Variants in HMG20A observed in about 807,000 individuals in gnomAD.
The protein encoded by HMG20A is high mobility group 20A, also known as high mobility group protein 20A.
HMG20A carries 17 observed loss-of-function variants against 43.9 expected under a neutral mutation model. That is an observed-to-expected ratio of 0.39 (90% confidence interval 0.27 to 0.58). The LOEUF (loss-of-function observed/expected upper bound fraction) is 0.58, where lower values mean the gene tolerates loss of function less well. Ranked by LOEUF, HMG20A falls within the 20% of genes least tolerant of loss-of-function variation. HMG20A has a pLI of 0.59. For missense variants in HMG20A, 341 were observed against 438.2 expected (o/e 0.78, Z 1.98); for synonymous variants, 132 against 147.5 (o/e 0.89, Z 0.76).
At chr15:77,514,522 G>T in the HMG20A span, among the ~76,000 whole-genome samples, 2 of 152,184 alleles carry the variant, frequency 1.3e-5, no homozygotes, top group African/African-American at 4.8e-5. Context: ...CTCTATAAAA[G>T]TTACACCTCC....
chr15:77,508,205 C>G, the HMG20A span, among the ~76,000 whole-genome samples: 2 of 152,254 alleles, frequency 1.3e-5, no homozygotes, highest in East Asian at 3.9e-4. Context: ...AACCGTCCAG[C>G]TAAGTCAGGT....
At chr15:77,514,036 G>A in the HMG20A span, among the ~76,000 whole-genome samples, 4 of 152,016 alleles carry the variant, frequency 2.6e-5, no homozygotes, top group South Asian at 4.2e-4. Context: ...TTTTCCTACT[G>A]TCTACATAAT....
At chr15:77,470,169 C>G (rs912107357) in intron 4 of HMG20A, among the ~76,000 whole-genome samples, 1 of 152,154 alleles carries the variant, frequency 6.6e-6, no homozygotes, top group Non-Finnish European at 1.5e-5. Flanking sequence ...AAGTGTTTAA[C>G]ATAATTTCTG....
rs2142369999 is a variant in HMG20A at position 77,484,308 on chromosome 15, T to C, written c.*1345T>C. 1 of 152,454 alleles carries C rather than the reference T, an allele frequency of 6.6e-6. No homozygotes were observed. Among genetic ancestry groups the C allele is most frequent in the South Asian group, 2.1e-4 (1 of 4,810 alleles). The allele number at this position is 152,454 out of a possible 1,614,324, so 9.4% of individuals were successfully genotyped here. ...AGAGGTTCTGATTCTTACCTCAGGGTTTTTTGGTTGTTCATTGTTTTTGTT... is the reference window on the plus strand; with the variant it reads ...AGAGGTTCTGATTCTTACCTCAGGGCTTTTTGGTTGTTCATTGTTTTTGTT... On this transcript the variant is annotated 3_prime_UTR_variant, in exon 10 of 10. Coordinates refer to ENST00000336216, the MANE Select transcript of HMG20A (RefSeq NM_001304504.2).
chr15:77,449,266 A>T (rs751106826), intron 1 of HMG20A, among the ~76,000 whole-genome samples: 1 of 151,890 alleles, frequency 6.6e-6, no homozygotes, highest in Non-Finnish European at 1.5e-5. Flanking sequence ...CTAAGTACTT[A>T]ATTACTCCTA....
At chr15:77,468,944 CTTTTA>C (rs1486406110) in intron 4 of HMG20A, among the ~76,000 whole-genome samples, 1 of 151,874 alleles carries the variant, frequency 6.6e-6, no homozygotes, top group Non-Finnish European at 1.5e-5. Context: ...CTTTCTTTTT[CTTTTA>C]TAACATTGAT....
intron 1 of HMG20A, 113 bp from the exon 2 acceptor site, chr15:77,458,291 T>A (rs2072674605): frequency 1.5e-6 from 1 of 661,964 alleles, no homozygotes; most frequent in Admixed American, 2.7e-5. Context: ...TTAGGTCAGT[T>A]TTTATTCTGT....
chr15:77,425,578 G>A (rs1019009797), intron 1 of HMG20A, among the ~76,000 whole-genome samples: 20 of 151,952 alleles, frequency 1.3e-4, no homozygotes, highest in African/African-American at 4.3e-4. Flanking sequence ...ACTGATCTCT[G>A]CTCCTCAATT....
At chr15:77,437,582 G>GT (rs891439258) in intron 1 of HMG20A, among the ~76,000 whole-genome samples, 1 of 151,528 alleles carries the variant, frequency 6.6e-6, no homozygotes, top group African/African-American at 2.4e-5. Flanking sequence ...CTTTTTTTTT[G>GT]TTTTTTGAGA....
At chr15:77,500,735 A>T in the HMG20A span, among the ~76,000 whole-genome samples, 1 of 151,930 alleles carries the variant, frequency 6.6e-6, no homozygotes, top group African/African-American at 2.4e-5. Flanking sequence ...TGACCGGCTA[A>T]TTTTTATATT....
intron 1 of HMG20A, among the ~76,000 whole-genome samples, chr15:77,456,725 A>AC (rs1230392098): frequency 1.3e-5 from 2 of 151,330 alleles, no homozygotes; most frequent in African/African-American, 4.9e-5. Flanking sequence ...GTTAGTCTGT[A>AC]TGGTATCTAA....
In HMG20A at chr15:77,470,833, T is replaced by G. The variant is rs976447799; in HGVS notation, c.451-77T>G. ...TCTTCCCATGTTCTAATTGTCCTGT[T>G]TTCTTCAAATAGGTAATTTAATTTT... On this transcript the variant is annotated intron_variant, in intron 4 of 9. Transcript: ENST00000336216. The G allele has an allele frequency of 4.6e-5, 60 of 1,291,690 alleles. No individual in the cohort carries two copies. In the African/African-American group the frequency reaches 8.7e-4, roughly 19 times the overall value. 80.0% of individuals were successfully genotyped at this position (1,291,690 alleles called of 1,614,324 possible). A position where few individuals can be genotyped will look rare whatever the true frequency, so the allele number is the denominator to read the frequency against.
chr15:77,477,653 G>C, intron 7 of HMG20A, 23 bp downstream of exon 7: 1 of 1,529,468 alleles, frequency 6.5e-7, no homozygotes, highest in Non-Finnish European at 9.0e-7. Flanking sequence ...GTTTCTTTTT[G>C]TGTTTCTCAG....
At chr15:77,450,127 T>A (rs1215525465) in intron 1 of HMG20A, among the ~76,000 whole-genome samples, 1 of 152,148 alleles carries the variant, frequency 6.6e-6, no homozygotes, top group Non-Finnish European at 1.5e-5. Context: ...TTTATTTATT[T>A]ATTTTTTTAT....
chr15:77,445,659 C>G (rs981197695), intron 1 of HMG20A, among the ~76,000 whole-genome samples: 1 of 152,260 alleles, frequency 6.6e-6, no homozygotes, highest in African/African-American at 2.4e-5. Context: ...TCCATACTGG[C>G]AGCCTCACTT....
chr15:77,469,966 C>T lies in HMG20A; in HGVS notation c.451-944C>T, dbSNP rs567484087. Among the ~76,000 whole-genome samples, 7 of 152,186 alleles carry T rather than the reference C, an allele frequency of 4.6e-5. No individual in the cohort carries two copies. In the South Asian group the frequency reaches 1.5e-3, roughly 32 times the overall value. On this transcript the variant is annotated intron_variant, in intron 4 of 9. Transcript: ENST00000336216. Reference sequence around the variant, plus strand: ...TACGTGCGTGAGCCACCACGCTCAGCCTCTACACCCATTTATTGTATTTGT... The same window carrying T: ...TACGTGCGTGAGCCACCACGCTCAGTCTCTACACCCATTTATTGTATTTGT...
chr15:77,446,806 CA>C (rs77491209), intron 1 of HMG20A, among the ~76,000 whole-genome samples: 1,592 of 74,744 alleles, frequency 0.021, 26 homozygotes, highest in African/African-American at 0.063. Flanking sequence ...GACTCCGTCT[CA>C]AAAAAAAAAA....
At chr15:77,460,570 C>A (rs2142328603) in intron 2 of HMG20A, among the ~76,000 whole-genome samples, 1 of 152,192 alleles carries the variant, frequency 6.6e-6, no homozygotes, top group South Asian at 2.1e-4. Context: ...AAAGTTGGGA[C>A]TTATCAGCAT....
intron 1 of HMG20A, among the ~76,000 whole-genome samples, chr15:77,444,219 G>T (rs574194923): frequency 6.6e-6 from 1 of 152,190 alleles, no homozygotes; most frequent in Non-Finnish European, 1.5e-5. Context: ...TGAAGCAGAT[G>T]CTCATATAAC....
Sources: gnomAD v4.1 joint callset for allele counts (sites outside exome capture counted in the v4.1 genomes callset) on GRCh38, gnomAD v4.1.1 for gene constraint, MANE v1.5 for transcripts, NCBI Gene and HGNC (gene_info 2026-07-23, HGNC 2026-07-21) for gene names.